The following FXYD6 variants were observed in gnomAD, a reference collection of about 807,000 sequenced individuals.
The protein encoded by FXYD6 is FXYD domain-containing ion transport regulator 6.
In FXYD6, 7 loss-of-function variants were observed where a neutral mutation model predicts 16.7. The ratio of observed to expected loss-of-function variants is 0.42; its 90% confidence interval spans 0.24 to 0.79. The LOEUF is 0.79. Ranked by LOEUF, FXYD6 falls within the 30% of genes least tolerant of loss-of-function variation. The pLI is 0.28. For synonymous variants in FXYD6, 49 were observed against 43.0 expected, an observed-to-expected ratio of 1.14 and a Z score of -0.54; for missense variants, 111 against 116.2, an observed-to-expected ratio of 0.95 and a Z score of 0.21.
intron 1 of FXYD6, among the ~76,000 whole-genome samples, chr11:117,849,293 T>C (rs554655951): frequency 1.3e-5 from 2 of 152,344 alleles, no homozygotes; most frequent in Admixed American, 1.3e-4. Flanking sequence ...TATCCAAATA[T>C]ATAGTGATTT....
Position 117,842,007 on chromosome 11 carries a change from A to T in FXYD6, c.80T>A (p.Met27Lys). ...TCGCTCACCATAATGAAAAGGGTCC[A>T]TTTCCTTCTCCTTTTCAGCTGCTGC... ...LASAAEKEKE[M>K]DPFHYDYQTL... Residue 27 changes from methionine (M) to lysine (K), a missense_variant, in exon 3 of 8, where the codon ATG becomes AAG. Physicochemically the swap from Met to Lys is moderately conservative, Grantham distance 95. Transcript: ENST00000526014. The T allele has an allele frequency of 6.2e-7, 1 of 1,614,212 alleles. No homozygotes were observed. Among genetic ancestry groups the T allele is most frequent in the Non-Finnish European group, 8.5e-7 (1 of 1,180,042 alleles).
chr11:117,876,170 C>T (rs1417858148), intron 1 of FXYD6, among the ~76,000 whole-genome samples: 2 of 152,200 alleles, frequency 1.3e-5, no homozygotes, highest in African/African-American at 4.8e-5. Flanking sequence ...TCACACCCAG[C>T]CACACGCCCT....
rs1297579726 is a variant in FXYD6, at chr11:117,838,328, C to A, written c.*22-51G>T. ...AAAACACTTCGGCTGCCTCTGGTAT[C>A]CTTATCTGCTTCTCTCCCTTCCTTG... On this transcript the variant is annotated intron_variant, in intron 7 of 7. Transcript: ENST00000526014. 38 of 702,176 alleles carry A rather than the reference C, an allele frequency of 5.4e-5. No individual in the cohort carries two copies. The South Asian group carries it at 5.6e-4, about 10-fold the overall frequency. The allele number at this position is 702,176 out of a possible 1,614,324, so 43.5% of individuals were successfully genotyped here.
At chr11:117,867,045 A>G (rs533556601) in intron 1 of FXYD6, among the ~76,000 whole-genome samples, 1 of 152,232 alleles carries the variant, frequency 6.6e-6, no homozygotes. Flanking sequence ...ACAGTCATTT[A>G]TATCTTGGCC....
At chr11:117,842,909 G>T in intron 1 of FXYD6, 128 bp from the exon 2 acceptor site, 1 of 933,138 alleles carries the variant, frequency 1.1e-6, no homozygotes, top group Non-Finnish European at 1.6e-6. Flanking sequence ...CTTGGTGAGG[G>T]TTCAAACAAC....
At position 117,839,635 on chromosome 11, in the gene FXYD6, T is replaced by G. The variant is rs967438388; in HGVS notation, c.*21+146A>C. 17 of 881,076 alleles carry G rather than the reference T, an allele frequency of 1.9e-5. No homozygotes were observed. The East Asian group carries it at 3.0e-4, about 16-fold the overall frequency. 54.6% of individuals were successfully genotyped at this position (881,076 alleles called of 1,614,324 possible). A position where few individuals can be genotyped will look rare whatever the true frequency, so the allele number is the denominator to read the frequency against. ...GTCTCTCTCACAGCCCCTTTCAGAC[T>G]CCTGAAGGCTCCTCAGGGCAGGGCC... On this transcript the variant is annotated intron_variant, in intron 7 of 7. Coordinates refer to ENST00000526014, the MANE Select transcript of FXYD6 (RefSeq NM_022003.4).
At chr11:117,851,318 T>C (rs1294351326) in intron 1 of FXYD6, among the ~76,000 whole-genome samples, 1 of 152,202 alleles carries the variant, frequency 6.6e-6, no homozygotes, top group Non-Finnish European at 1.5e-5. Context: ...GGATTGCTTG[T>C]TCTGAGTCAA....
In FXYD6 at chr11:117,866,982, G is replaced by T. The variant is rs576126083; in HGVS notation, c.-6+9610C>A. Among the ~76,000 whole-genome samples, 4 of 152,280 alleles carry T rather than the reference G, an allele frequency of 2.6e-5. No homozygotes were observed. The East Asian group carries it at 7.7e-4, about 29-fold the overall frequency. On this transcript the variant is annotated intron_variant, in intron 1 of 7. Transcript: ENST00000526014. ...TGCCTCCACAACAATTCTTCCCAAG[G>T]AGAGACGTTTAAATGTCACGGCATC...
At position 117,840,431 on chromosome 11, in the gene FXYD6, T is replaced by C. The variant is rs111727597; in HGVS notation, c.210-63A>G. The C allele has an allele frequency of 5.6e-4, 895 of 1,609,664 alleles. 11 individuals are homozygous for C. In the African/African-American group the frequency reaches 0.01, roughly 19 times the overall value. ...TCCAGGGCAGACCCAGAGAGCATCG[T>C]TCTGCTCCTCACTGGGGCACAGCTG... On this transcript the variant is annotated intron_variant, in intron 5 of 7. Coordinates refer to ENST00000526014, the MANE Select transcript of FXYD6 (RefSeq NM_022003.4).
At chr11:117,859,532 A>G (rs2056854847) in intron 1 of FXYD6, among the ~76,000 whole-genome samples, 2 of 152,252 alleles carry the variant, frequency 1.3e-5, no homozygotes, top group South Asian at 4.1e-4. Context: ...GACAAATGAT[A>G]CAGGCCAGGC....
chr11:117,844,447 C>G (rs1477722351), intron 1 of FXYD6, among the ~76,000 whole-genome samples: 1 of 152,124 alleles, frequency 6.6e-6, no homozygotes, highest in Non-Finnish European at 1.5e-5. Flanking sequence ...CCCTGCCTCT[C>G]TCCCAGAGGT....
chr11:117,856,151 C>T (rs1389398772), intron 1 of FXYD6, among the ~76,000 whole-genome samples: 2 of 152,096 alleles, frequency 1.3e-5, no homozygotes, highest in East Asian at 3.9e-4. Flanking sequence ...GTTTCTCCGG[C>T]AATTATCTTC....
chr11:117,845,145 AC>A (rs776518753), intron 1 of FXYD6, among the ~76,000 whole-genome samples: 1 of 152,092 alleles, frequency 6.6e-6, no homozygotes, highest in Admixed American at 6.5e-5. Context: ...ATCGGCAGTC[AC>A]CCCCGACTCC....
chr11:117,865,939 G>A (rs2057004843), intron 1 of FXYD6, among the ~76,000 whole-genome samples: 2 of 151,858 alleles, frequency 1.3e-5, no homozygotes, highest in African/African-American at 2.4e-5. Flanking sequence ...ACAAAAAAGA[G>A]TGCCTGTGGT....
chr11:117,869,430 C>A (rs1236323759), intron 1 of FXYD6, among the ~76,000 whole-genome samples: 1 of 152,212 alleles, frequency 6.6e-6, no homozygotes, highest in Non-Finnish European at 1.5e-5. Context: ...AATGCTGCCC[C>A]TCCAACCCTC....
chr11:117,838,197 G>C lies in FXYD6; in HGVS notation c.*102C>G. The C allele has an allele frequency of 2.8e-6, 2 of 702,458 alleles. No individual in the cohort carries two copies. Among genetic ancestry groups the C allele is most frequent in the Non-Finnish European group, 5.2e-6 (2 of 385,014 alleles). 43.5% of individuals were successfully genotyped at this position (702,458 alleles called of 1,614,324 possible). On this transcript the variant is annotated 3_prime_UTR_variant, in exon 8 of 8. Transcript: ENST00000526014. ...AGTTCTTGGCTTCTCCTGGGGAAAG[G>C]GCTGTTGCTGAAGTGGCCGGTTTTC... is the stretch of plus-strand genomic sequence containing the variant.
chr11:117,845,138 G>C (rs772414232), intron 1 of FXYD6, among the ~76,000 whole-genome samples: 1 of 152,086 alleles, frequency 6.6e-6, no homozygotes, highest in South Asian at 2.1e-4. Context: ...TGTATCCATC[G>C]GCAGTCACCC....
chr11:117,852,332 G>A (rs766478066), intron 1 of FXYD6, among the ~76,000 whole-genome samples: 1 of 152,222 alleles, frequency 6.6e-6, no homozygotes, highest in East Asian at 1.9e-4. Context: ...TTAAGCTGCT[G>A]GGTCTGTGAT....
rs2056332615 is a variant in FXYD6, at chr11:117,841,130, C to T, written c.209+18G>A. ...ACCTAGTATCACCCCCCCAAGGCCA[C>T]TGCCACGGCATCCTTACCGGGGCTT... On this transcript the variant is annotated intron_variant, in intron 5 of 7. Coordinates refer to ENST00000526014, the MANE Select transcript of FXYD6 (RefSeq NM_022003.4). 1.9e-6 allele frequency: 3 copies of T among 1,613,954 alleles called. No individual in the cohort carries two copies. Among genetic ancestry groups the T allele is most frequent in the Admixed American group, 1.7e-5 (1 of 59,980 alleles).
Sources: allele counts gnomAD v4.1 joint callset (sites outside exome capture counted in the v4.1 genomes callset), GRCh38; gene constraint gnomAD v4.1.1; transcripts MANE v1.5; gene names NCBI Gene and HGNC (gene_info 2026-07-23, HGNC 2026-07-21).